INO80: variants seen among roughly 807,000 people sequenced by gnomAD.
INO80 encodes the protein INO80 complex ATPase subunit.
In INO80, 20 loss-of-function variants were observed where a neutral mutation model predicts 203.4. The observed-to-expected ratio is 0.10, with a 90% CI of 0.07 to 0.14. INO80 has a LOEUF of 0.14. Among genes scored for constraint, INO80 ranks in the 10% least tolerant of loss-of-function variants. The probability of loss-of-function intolerance (pLI) is 1.00; values close to 1 mark genes in which losing one functional copy is unlikely to be tolerated. For missense variants in INO80, 1,419 were observed against 1,914.4 expected (o/e 0.74, Z 4.83); for synonymous variants, 726 against 685.2 (o/e 1.06, Z -0.93).
intron 25 of INO80, 63 bp downstream of exon 25, chr15:41,027,532 CT>C: frequency 7.5e-7 from 1 of 1,329,272 alleles, no homozygotes; most frequent in Non-Finnish European, 1.0e-6. Context: ...AAATAAATCC[CT>C]TAAAAATTGG....
chr15:41,054,836 C>T (rs2044954159), intron 18 of INO80, among the ~76,000 whole-genome samples: 1 of 152,260 alleles, frequency 6.6e-6, no homozygotes, highest in East Asian at 1.9e-4. Context: ...CAGGGTTTCA[C>T]CATGTTGGCC....
chr15:41,056,240 G>T (rs760302101), intron 17 of INO80, among the ~76,000 whole-genome samples: 1 of 151,914 alleles, frequency 6.6e-6, no homozygotes, highest in Non-Finnish European at 1.5e-5. Context: ...GCAGCTGCAC[G>T]CAGCCTCTAT....
intron 29 of INO80, among the ~76,000 whole-genome samples, chr15:40,992,801 T>C (rs2043833020): frequency 6.6e-6 from 1 of 152,184 alleles, no homozygotes; most frequent in Non-Finnish European, 1.5e-5. Flanking sequence ...AGCCTTTCTC[T>C]TTTTTTCTTG....
intron 15 of INO80, 91 bp from the exon 16 acceptor site, chr15:41,058,872 G>GTT: frequency 8.3e-7 from 1 of 1,201,026 alleles, no homozygotes; most frequent in Non-Finnish European, 1.2e-6. Context: ...GGGCCAAAAT[G>GTT]TTTAAGACAG....
At chr15:41,058,197 G>A (rs1011634357) in intron 16 of INO80, among the ~76,000 whole-genome samples, 5 of 152,156 alleles carry the variant, frequency 3.3e-5, no homozygotes, top group African/African-American at 1.2e-4. Context: ...AATTTTCCCT[G>A]AAGAGATGAC....
intron 7 of INO80, 30 bp downstream of exon 7, chr15:41,085,339 A>C (rs959340568): frequency 6.3e-7 from 1 of 1,584,724 alleles, no homozygotes; most frequent in South Asian, 1.1e-5. Context: ...ACATTCTCCT[A>C]ATTTCCATCT....
At chr15:41,111,263 T>C (rs2045954317) in intron 1 of INO80, among the ~76,000 whole-genome samples, 1 of 152,008 alleles carries the variant, frequency 6.6e-6, no homozygotes, top group Admixed American at 6.6e-5. Flanking sequence ...CTGGTCAACA[T>C]GGTGAAACCC....
intron 27 of INO80, 142 bp from the exon 28 acceptor site, chr15:41,005,829 G>A (rs1039677943): frequency 4.1e-6 from 2 of 484,238 alleles, no homozygotes; most frequent in African/African-American, 2.0e-5. Context: ...AACCCCAAGA[G>A]TACAAGAAGT....
At chr15:41,048,725 T>A (rs2044811451) in intron 21 of INO80, among the ~76,000 whole-genome samples, 1 of 152,214 alleles carries the variant, frequency 6.6e-6, no homozygotes, top group Non-Finnish European at 1.5e-5. Context: ...AATCCATGGT[T>A]CTCAAATGTT....
rs1254102169 is a variant in INO80, at chr15:41,027,691, C to T, written c.2953G>A (p.Asp985Asn). 1.2e-6 allele frequency: 2 copies of T among 1,613,212 alleles called. No individual in the cohort carries two copies. Among genetic ancestry groups the T allele is most frequent in the African/African-American group, 2.7e-5 (2 of 74,880 alleles). Residue 985 changes from aspartate to asparagine, a missense_variant, in exon 25 of 36, where the codon GAC becomes AAC. Asp to Asn is a conservative substitution (Grantham distance 23, BLOSUM62 1). Transcript: ENST00000648947. ...GATCTCCGCTGATGGACAACCTGGT[C>T]TGAGTAGCCACTCACTGCTTTACAG... ...SHCKAVSGYSDQVVHQRRSAT... is the reference protein window; with the variant it reads ...SHCKAVSGYSNQVVHQRRSAT...
intron 17 of INO80, 89 bp from the exon 18 acceptor site, chr15:41,055,453 T>G: frequency 1.4e-6 from 1 of 717,242 alleles, no homozygotes; most frequent in Admixed American, 2.5e-5. Flanking sequence ...TGCAGGTGTA[T>G]TAGTGTGTAA....
At chr15:41,072,427 A>G (rs1372774556) in intron 11 of INO80, among the ~76,000 whole-genome samples, 1 of 151,844 alleles carries the variant, frequency 6.6e-6, no homozygotes, top group Non-Finnish European at 1.5e-5. Context: ...ATCATACATA[A>G]CAAAGAGCTT....
chr15:41,095,747 C>T lies in INO80; in HGVS notation c.313+12G>A. On this transcript the variant is annotated intron_variant, in intron 3 of 35. Coordinates refer to ENST00000648947, the MANE Select transcript of INO80 (RefSeq NM_017553.3). Reference sequence around the variant, plus strand: ...AACGATAGTCCAAAGGGGGATGTCACACCACACTGACCTGACTGTAGAACT... The same window carrying T: ...AACGATAGTCCAAAGGGGGATGTCATACCACACTGACCTGACTGTAGAACT... 6.2e-7 allele frequency: 1 copy of T among 1,613,874 alleles called. No homozygotes were observed. Among genetic ancestry groups the T allele is most frequent in the Non-Finnish European group, 8.5e-7 (1 of 1,179,846 alleles).
chr15:41,054,885 A>G (rs532289697), intron 18 of INO80, among the ~76,000 whole-genome samples: 2 of 152,200 alleles, frequency 1.3e-5, no homozygotes, highest in South Asian at 2.1e-4. Context: ...TGATCCGCCC[A>G]CCTTAGCCTC....
At chr15:40,988,023 A>G (rs777918491) in intron 29 of INO80, 49 bp from the exon 30 acceptor site, 1 of 1,525,006 alleles carries the variant, frequency 6.6e-7, no homozygotes, top group South Asian at 1.2e-5. Flanking sequence ...AAGGACCAGA[A>G]ATTCTGAGAG....
rs749446281 is a variant in INO80 at position 40,987,154 on chromosome 15, C to T, written c.3769G>A (p.Asp1257Asn). ...ACCACCTCTTTGGGTTTCAAGGTAT[C>T]TGGTTTGAAGTTCCCACCTGAAATC... Reference protein sequence around the residue: ...MVISGGNFKPDTLKPKEVVSL... With the variant: ...MVISGGNFKPNTLKPKEVVSL... The change falls in exon 31 of 36, where the codon GAT becomes AAT. Residue 1257 changes from aspartate (D) to asparagine (N), a missense_variant. This residue lies in a region of INO80 where 65 missense variants were observed against 186.7 expected (regional missense o/e 0.35). Coordinates refer to ENST00000648947, the MANE Select transcript of INO80 (RefSeq NM_017553.3). 1 of 1,613,818 alleles carries T rather than the reference C, an allele frequency of 6.2e-7. No individual in the cohort carries two copies. The highest frequency in any genetic ancestry group is 8.5e-7 in the Non-Finnish European group (1 of 1,179,728).
At chr15:41,084,767 A>G (rs902816145) in intron 7 of INO80, among the ~76,000 whole-genome samples, 13 of 152,180 alleles carry the variant, frequency 8.5e-5, no homozygotes, top group African/African-American at 2.9e-4. Context: ...TTATTATGTT[A>G]CACATTCTGT....
At chr15:41,113,174 C>G (rs1225244412) in intron 1 of INO80, among the ~76,000 whole-genome samples, 2 of 152,132 alleles carry the variant, frequency 1.3e-5, no homozygotes, top group African/African-American at 4.8e-5. Context: ...CTCAGCCTCC[C>G]AAAGTGCCGG....
rs1893942213 is a variant in INO80 at position 40,984,321 on chromosome 15, C to T, written c.3953G>A (p.Arg1318Lys). The T allele has an allele frequency of 6.2e-7, 1 of 1,614,064 alleles. No homozygotes were observed. The highest frequency in any genetic ancestry group is 1.3e-5 in the African/African-American group (1 of 74,926). ...KKKEDELDGK[R>K]RKEGVNLVIP... ...CACCAGGTTCACACCCTCTTTTCTC[C>T]TTTTCCCATCCAATTCATCTTCTTT... Residue 1318 changes from arginine (R) to lysine (K), a missense_variant, in exon 33 of 36, where the codon AGG becomes AAG. Physicochemically the swap from Arg to Lys is conservative, Grantham distance 26 (BLOSUM62 2). Coordinates refer to ENST00000648947, the MANE Select transcript of INO80 (RefSeq NM_017553.3).
Sources: gnomAD v4.1 joint callset for allele counts (sites outside exome capture counted in the v4.1 genomes callset) on GRCh38, gnomAD v4.1.1 for gene constraint, gnomAD v4.1.1 regional missense constraint, MANE v1.5 for transcripts, NCBI Gene and HGNC (gene_info 2026-07-23, HGNC 2026-07-21) for gene names.